Variants in MASP2 observed in about 807,000 individuals in gnomAD.
MASP2 encodes mannan-binding lectin serine protease 2.
Under a neutral mutation model 57.1 loss-of-function variants are expected in MASP2, and 49 were observed. That is an observed-to-expected ratio of 0.86 (90% CI 0.68 to 1.09). The LOEUF is 1.09. Among genes scored for constraint, MASP2 ranks in the 50% least tolerant of loss-of-function variants. MASP2 has a pLI of 0.00. For synonymous variants in MASP2, 379 were observed against 340.8 expected (o/e 1.11, Z -1.24); for missense variants, 900 against 874.8 (o/e 1.03, Z -0.36).
intron 8 of MASP2, among the ~76,000 whole-genome samples, chr1:11,032,216 T>G (rs1166598377): frequency 3.9e-5 from 6 of 152,130 alleles, no homozygotes; most frequent in Non-Finnish European, 1.5e-5. Flanking sequence ...CAGTTTGGGG[T>G]GTGTGTATTA....
chr1:11,045,213 G>T (rs1203509068), intron 4 of MASP2, 195 bp downstream of exon 4: 15 of 838,146 alleles, frequency 1.8e-5, no homozygotes, highest in Non-Finnish European at 3.0e-5. Flanking sequence ...AGTCGCTAGG[G>T]CAGGGTGGCA....
chr1:11,042,158 G>A (rs1444043363), intron 6 of MASP2, among the ~76,000 whole-genome samples: 3 of 151,422 alleles, frequency 2.0e-5, no homozygotes, highest in Non-Finnish European at 2.9e-5. Flanking sequence ...ATGGATGGAA[G>A]GATGGATGGA....
intron 10 of MASP2, chr1:11,029,673 C>G (rs1350921066): frequency 2.1e-5 from 2 of 94,342 alleles, no homozygotes. Flanking sequence ...TGGAATTTCA[C>G]TACTGTTGCC....
At chr1:11,040,718 G>T (rs1182067268) in intron 6 of MASP2, among the ~76,000 whole-genome samples, 2 of 151,724 alleles carry the variant, frequency 1.3e-5, no homozygotes, top group Non-Finnish European at 2.9e-5. Context: ...TGGATGGATG[G>T]ATGTGTAGGT....
At chr1:11,037,007 G>C (rs1339181063) in intron 7 of MASP2, among the ~76,000 whole-genome samples, 1 of 152,084 alleles carries the variant, frequency 6.6e-6, no homozygotes, top group Non-Finnish European at 1.5e-5. Flanking sequence ...ACTTCACAAA[G>C]AGCTGCTGTC....
At chr1:11,035,110 C>T (rs546771189) in intron 7 of MASP2, among the ~76,000 whole-genome samples, 5 of 152,238 alleles carry the variant, frequency 3.3e-5, no homozygotes, top group East Asian at 1.9e-4. Flanking sequence ...CCTCGGTGCA[C>T]GTCTATGCCA....
At position 11,043,458 on chromosome 1, in the gene MASP2, G is replaced by C. The variant is rs774082092; in HGVS notation, c.622C>G (p.Leu208Val). 3.7e-6 allele frequency: 6 copies of C among 1,610,976 alleles called. No homozygotes were observed. Among genetic ancestry groups the C allele is most frequent in the Non-Finnish European group, 4.2e-6 (5 of 1,179,070 alleles). The change falls in exon 5 of 11, where the codon CTC becomes GTC. Residue 208 changes from leucine (L) to valine (V), a missense_variant. Transcript: ENST00000400897. ...CTGATGCTGTAAGTGCAACTGGAGA[G>C]TTTGGGATACGGCCGTGGGTATTCA... ...SPEYPRPYPK[L>V]SSCTYSISLE... is the part of the protein sequence containing the mutation.
intron 7 of MASP2, among the ~76,000 whole-genome samples, chr1:11,036,895 T>C (rs115102542): frequency 0.019 from 2,963 of 152,248 alleles, 34 homozygotes; most frequent in Non-Finnish European, 0.028. Flanking sequence ...GCCCAGGAGT[T>C]GTTTCATGGA....
At chr1:11,045,010 G>T in intron 4 of MASP2, 1 of 1,549,078 alleles carries the variant, frequency 6.5e-7, no homozygotes, top group East Asian at 2.3e-5. Context: ...ACCGAGTCGG[G>T]GGAGGCAGGG....
chr1:11,030,246 T>C lies in MASP2; in HGVS notation c.1227A>G (p.Lys409=), dbSNP rs777934596. Residue 409 remains lysine, a synonymous_variant, in exon 10 of 11, where the codon AAA becomes AAG. Transcript: ENST00000400897. ...AGAATCCATCAGCCTCACACACATA[T>C]TTACCTGCAAATCATTGGAAAAGCA... ...TFYTMKVNDG[K]YVCEADGFWT... 9 of 1,612,354 alleles carry C rather than the reference T, an allele frequency of 5.6e-6. No individual in the cohort carries two copies. The highest frequency in any genetic ancestry group is 5.3e-5 in the African/African-American group (4 of 74,882).
In MASP2 at chr1:11,027,061, A is replaced by C. The variant is rs746021937; in HGVS notation, c.1885T>G (p.Cys629Gly). The change falls in exon 11 of 11, where the codon TGC becomes GGC. Residue 629 changes from cysteine to glycine, a missense_variant. Cys to Gly is a radical substitution (Grantham distance 159, BLOSUM62 -3). Coordinates refer to ENST00000400897, the MANE Select transcript of MASP2 (RefSeq NM_006610.4). ...AGLESGGKDS[C>G]RGDSGGALVF... ...AGTGCCCCTCCGCTGTCACCTCTGC[A>C]GCTGTCCTTGCCCCCACTTTCTAAG... 6.3e-7 allele frequency: 1 copy of C among 1,593,710 alleles called. No homozygotes were observed. Among genetic ancestry groups the C allele is most frequent in the Non-Finnish European group, 8.5e-7 (1 of 1,170,070 alleles).
intron 8 of MASP2, among the ~76,000 whole-genome samples, chr1:11,031,805 C>G (rs1162219460): frequency 6.6e-6 from 1 of 151,976 alleles, no homozygotes; most frequent in African/African-American, 2.4e-5. Context: ...CTCAGCTACT[C>G]AGGAGGCTGA....
In MASP2 at chr1:11,027,015, G is replaced by C. The variant is rs368027667; in HGVS notation, c.1931C>G (p.Thr644Arg). The C allele has an allele frequency of 5.0e-6, 8 of 1,598,942 alleles. No individual in the cohort carries two copies. Among genetic ancestry groups the C allele is most frequent in the East Asian group, 2.2e-5 (1 of 44,838 alleles). Residue 644 changes from threonine (T) to arginine (R), a missense_variant, in exon 11 of 11, where the codon ACA becomes AGA. Thr to Arg is a moderately conservative substitution (Grantham distance 71, BLOSUM62 -1). Coordinates refer to ENST00000400897, the MANE Select transcript of MASP2 (RefSeq NM_006610.4). Reference sequence around the variant, plus strand: ...TATTCCTCCCACAAACCACCTCTCTGTTTCACTATCTAGAAACACCAGTGC... The same window carrying C: ...TATTCCTCCCACAAACCACCTCTCTCTTTCACTATCTAGAAACACCAGTGC... ...GGALVFLDSE[T>R]ERWFVGGIVS...
Position 11,046,614 on chromosome 1 carries a change from G to A in MASP2, c.354C>T (p.Arg118=). The A allele has an allele frequency of 6.2e-7, 1 of 1,613,806 alleles. No homozygotes were observed. Among genetic ancestry groups the A allele is most frequent in the Non-Finnish European group, 8.5e-7 (1 of 1,180,036 alleles). ...SLGSSLDITF[R]SDYSNEKPFT... Reference sequence around the variant, plus strand: ...ACGGCTTCTCGTTGGAGTAGTCGGAGCGGAAGGTAATGTCCAGGCTGGAGC... The same window carrying A: ...ACGGCTTCTCGTTGGAGTAGTCGGAACGGAAGGTAATGTCCAGGCTGGAGC... Residue 118 remains arginine (R), a synonymous_variant, in exon 3 of 11, where the codon CGC becomes CGT. Coordinates refer to ENST00000400897, the MANE Select transcript of MASP2 (RefSeq NM_006610.4).
chr1:11,036,534 A>C (rs1320353489), intron 7 of MASP2, among the ~76,000 whole-genome samples: 5 of 142,104 alleles, frequency 3.5e-5, no homozygotes, highest in Admixed American at 1.4e-4. Context: ...AAAAAAAAAA[A>C]AAACAAAAAA....
rs139664966 is a variant in MASP2 at position 11,040,687 on chromosome 1, A to G, written c.889+2188T>C. Among the ~76,000 whole-genome samples the G allele has an allele frequency of 8.6e-5, 13 of 150,884 alleles. No individual in the cohort carries two copies. In the East Asian group the frequency reaches 2.3e-3, roughly 27 times the overall value. Reference sequence around the variant, plus strand: ...AAATAATGGGTGGGTGGATAGATGGACAGCTGGAAAGATGGATGGATGGAT... The same window carrying G: ...AAATAATGGGTGGGTGGATAGATGGGCAGCTGGAAAGATGGATGGATGGAT... On this transcript the variant is annotated intron_variant, in intron 6 of 10. Coordinates refer to ENST00000400897, the MANE Select transcript of MASP2 (RefSeq NM_006610.4).
At chr1:11,028,436 A>G (rs1251210671) in intron 10 of MASP2, among the ~76,000 whole-genome samples, 7 of 152,366 alleles carry the variant, frequency 4.6e-5, no homozygotes, top group African/African-American at 1.4e-4. Context: ...CAAATGTTTT[A>G]GAAATTAGAA....
Position 11,026,958 on chromosome 1 carries a change from G to C in MASP2, c.1988C>G (p.Ala663Gly). The change falls in exon 11 of 11, where the codon GCA becomes GGA. Residue 663 changes from alanine (A) to glycine (G), a missense_variant. Transcript: ENST00000400897. ...VSWGSMNCGE[A>G]GQYGVYTKVI... is the part of the protein sequence containing the mutation. ...TTTTGTGTAGACTCCATACTGACCT[G>C]CTTCCCCACAATTCATGGAACCCCA... 1.9e-6 allele frequency: 3 copies of C among 1,549,732 alleles called. No individual in the cohort carries two copies. Among genetic ancestry groups the C allele is most frequent in the Non-Finnish European group, 2.6e-6 (3 of 1,152,896 alleles).
At chr1:11,044,702 A>T in intron 4 of MASP2, 10 of 1,176,612 alleles carry the variant, frequency 8.5e-6, no homozygotes, top group Non-Finnish European at 1.2e-5. Context: ...AGGCTCCCAC[A>T]GACCTGGGGT....
Sources: allele counts gnomAD v4.1 joint callset (sites outside exome capture counted in the v4.1 genomes callset), GRCh38; gene constraint gnomAD v4.1.1; transcripts MANE v1.5; gene names NCBI Gene and HGNC (gene_info 2026-07-23, HGNC 2026-07-21).